PKHD1: variants seen among roughly 807,000 people sequenced by gnomAD.
PKHD1 encodes PKHD1 ciliary IPT domain containing fibrocystin/polyductin.
PKHD1 carries 291 observed loss-of-function variants against 412.0 expected under a neutral mutation model. The ratio of observed to expected loss-of-function variants is 0.71; its 90% CI spans 0.64 to 0.78. The LOEUF is 0.78. PKHD1 is among the 30% of genes least tolerant of loss of function. The probability of loss-of-function intolerance (pLI) is 0.00; values close to 1 mark genes in which losing one functional copy is unlikely to be tolerated. For synonymous variants in PKHD1, 1,777 were observed against 1,821.5 expected (o/e 0.98, Z 0.62); for missense variants, 4,825 against 4,950.7 (o/e 0.97, Z 0.76).
chr6:51,933,684 T>G (rs1456377885), intron 37 of PKHD1, among the ~76,000 whole-genome samples: 2 of 152,192 alleles, frequency 1.3e-5, no homozygotes, highest in Non-Finnish European at 2.9e-5. Context: ...GGACAGGCTA[T>G]TCTCAAGTGG....
At chr6:51,981,317 C>T (rs1185947686) in intron 35 of PKHD1, among the ~76,000 whole-genome samples, 2 of 13,856 alleles carry the variant, frequency 1.4e-4, no homozygotes, top group African/African-American at 4.4e-4. Context: ...CAAGCTCTCC[C>T]TCTCCCTCTC....
intron 27 of PKHD1, among the ~76,000 whole-genome samples, chr6:52,039,779 T>C (rs1488138822): frequency 6.6e-6 from 1 of 152,188 alleles, no homozygotes; most frequent in African/African-American, 2.4e-5. Context: ...ACTGAAAGCA[T>C]ATATTCCTGC....
intron 52 of PKHD1, among the ~76,000 whole-genome samples, chr6:51,820,316 A>G (rs953082755): frequency 2.0e-5 from 3 of 152,244 alleles, no homozygotes; most frequent in Non-Finnish European, 4.4e-5. Context: ...CTGTCAGTCC[A>G]TCTAGTCACA....
chr6:51,675,081 CTATTT>C (rs1775619372), intron 60 of PKHD1, among the ~76,000 whole-genome samples: 1 of 152,114 alleles, frequency 6.6e-6, no homozygotes, highest in South Asian at 2.1e-4. Flanking sequence ...ATCAATCCTC[CTATTT>C]TAATTTTGGC....
At chr6:51,977,233 G>GCTTATATA (rs1418554386) in intron 35 of PKHD1, among the ~76,000 whole-genome samples, 23 of 152,158 alleles carry the variant, frequency 1.5e-4, no homozygotes, top group Non-Finnish European at 3.1e-4. Flanking sequence ...GCAACCCTCA[G>GCTTATATA]TATATATGCT....
chr6:52,010,699 C>G (rs1799696856), intron 34 of PKHD1, among the ~76,000 whole-genome samples: 1 of 152,174 alleles, frequency 6.6e-6, no homozygotes, highest in African/African-American at 2.4e-5. Context: ...AGGCCTTTCT[C>G]TTTTCCGAAT....
At position 51,616,527 on chromosome 6, in the gene PKHD1, A is replaced by AT. The variant is rs113144792; in HGVS notation, c.*2553dup. ...CTTTTGGTGTTTCCCTAATTCTCTC[A>AT]TTTTTTTTTTTTTTTAGGAGAAAGA... is the stretch of plus-strand genomic sequence containing the variant. On this transcript the variant is annotated 3_prime_UTR_variant, in exon 67 of 67. Coordinates refer to ENST00000371117, the MANE Select transcript of PKHD1 (RefSeq NM_138694.4). 0.11 allele frequency: 39,823 copies of AT among 357,738 alleles called. 658 individuals are homozygous for AT. Among genetic ancestry groups the AT allele is most frequent in the East Asian group, 0.17 (4,302 of 25,552 alleles). 22.2% of individuals were successfully genotyped at this position (357,738 alleles called of 1,614,324 possible).
chr6:52,075,617 C>T (rs1811230257), intron 6 of PKHD1, among the ~76,000 whole-genome samples: 1 of 152,126 alleles, frequency 6.6e-6, no homozygotes, highest in South Asian at 2.1e-4. Flanking sequence ...ATCCTCCTGG[C>T]TTTTAAATAT....
intron 37 of PKHD1, among the ~76,000 whole-genome samples, chr6:51,927,496 G>A (rs1785843112): frequency 6.6e-6 from 1 of 152,170 alleles, no homozygotes; most frequent in African/African-American, 2.4e-5. Context: ...GAAATCCTGA[G>A]AGATGGGGAT....
chr6:51,805,401 G>A (rs955438785), intron 52 of PKHD1, among the ~76,000 whole-genome samples: 17 of 152,138 alleles, frequency 1.1e-4, no homozygotes, highest in African/African-American at 3.6e-4. Flanking sequence ...ATGAAGGCAA[G>A]GGCTGAAGAG....
At chr6:51,638,218 C>T (rs1221186848) in intron 64 of PKHD1, among the ~76,000 whole-genome samples, 1 of 152,176 alleles carries the variant, frequency 6.6e-6, no homozygotes, top group Non-Finnish European at 1.5e-5. Flanking sequence ...CATTTCTTCC[C>T]TGGCTATACG....
rs543036075 is a variant in PKHD1 at position 51,866,523 on chromosome 6, G to A, written c.7733+1340C>T. On this transcript the variant is annotated intron_variant, in intron 48 of 66. Transcript: ENST00000371117. The stretch of plus-strand genomic sequence containing the variant: ...AGAGCAAATGCTCAAACAAGTTTCA[G>A]GCACTACAGAGCCTTCTAACATCAC... 3.7e-4 allele frequency among the ~76,000 whole-genome samples: 56 copies of A among 152,188 alleles called. 1 individual carries two copies. Among genetic ancestry groups the A allele is most frequent in the African/African-American group, 1.3e-3 (52 of 41,534 alleles).
At chr6:51,794,052 T>A (rs1299660270) in intron 52 of PKHD1, among the ~76,000 whole-genome samples, 1 of 146,956 alleles carries the variant, frequency 6.8e-6, no homozygotes, top group African/African-American at 2.5e-5. Flanking sequence ...TTTGACTTTT[T>A]TTTTTTTTTT....
chr6:52,078,643 A>G (rs1320610339), intron 5 of PKHD1, among the ~76,000 whole-genome samples: 2 of 152,170 alleles, frequency 1.3e-5, no homozygotes, highest in East Asian at 1.9e-4. Context: ...CCACTGACGG[A>G]CTTGTTTTCT....
intron 36 of PKHD1, among the ~76,000 whole-genome samples, chr6:51,943,860 G>A (rs1263903279): frequency 1.3e-5 from 2 of 151,066 alleles, no homozygotes; most frequent in South Asian, 2.1e-4. Context: ...CCCTAATCCC[G>A]CTCGAAGCAG....
intron 60 of PKHD1, among the ~76,000 whole-genome samples, chr6:51,686,556 G>A (rs893016556): frequency 6.6e-6 from 1 of 152,048 alleles, no homozygotes; most frequent in Non-Finnish European, 1.5e-5. Context: ...TTTCTATGAT[G>A]CTCTACATTT....
intron 52 of PKHD1, among the ~76,000 whole-genome samples, chr6:51,808,512 T>TCA (rs57879150): frequency 4.0e-5 from 6 of 151,172 alleles, no homozygotes; most frequent in African/African-American, 7.3e-5. Flanking sequence ...AAAGAATCTC[T>TCA]CACACACACA....
chr6:51,925,808 A>ATC (rs1209476202), intron 37 of PKHD1, among the ~76,000 whole-genome samples: 3 of 149,898 alleles, frequency 2.0e-5, no homozygotes, highest in Middle Eastern at 3.2e-3. Context: ...CTCTCTTTTT[A>ATC]TCTCTCTCTC....
chr6:51,918,228 T>C (rs914486077), intron 37 of PKHD1, among the ~76,000 whole-genome samples: 13 of 152,116 alleles, frequency 8.5e-5, no homozygotes, highest in African/African-American at 3.1e-4. Flanking sequence ...TTTTAAGTTC[T>C]GGGATACATG....
Sources: gnomAD v4.1 joint callset for allele counts (sites outside exome capture counted in the v4.1 genomes callset) on GRCh38, gnomAD v4.1.1 for gene constraint, MANE v1.5 for transcripts, NCBI Gene and HGNC (gene_info 2026-07-23, HGNC 2026-07-21) for gene names.